The following MLLT10 variants were observed in gnomAD, a reference collection of about 807,000 sequenced individuals.
MLLT10 encodes MLLT10 histone lysine methyltransferase DOT1L cofactor, also known as protein AF-10.
A neutral mutation model predicts 129.1 loss-of-function variants in MLLT10; 30 were observed. The ratio of observed to expected loss-of-function variants is 0.23; its 90% CI spans 0.17 to 0.32. The LOEUF (loss-of-function observed/expected upper bound fraction) is 0.32, where lower values mean the gene tolerates loss of function less well. Ranked by LOEUF, MLLT10 falls within the 10% of genes least tolerant of loss-of-function variation. MLLT10 has a pLI of 1.00. For missense variants in MLLT10, 1,119 were observed against 1,268.3 expected, an observed-to-expected ratio of 0.88 and a Z score of 1.79; for synonymous variants, 490 against 446.4, an observed-to-expected ratio of 1.10 and a Z score of -1.23.
At chr10:21,664,944 CTTT>C (rs146373535) in intron 9 of MLLT10, among the ~76,000 whole-genome samples, 7 of 119,382 alleles carry the variant, frequency 5.9e-5, no homozygotes, top group South Asian at 2.7e-4. Context: ...TTTTTCTTTT[CTTT>C]TTTTTTTTTT....
intron 3 of MLLT10, among the ~76,000 whole-genome samples, chr10:21,548,009 T>C (rs973712667): frequency 6.6e-6 from 1 of 152,190 alleles, no homozygotes; most frequent in African/African-American, 2.4e-5. Context: ...GGCTAGTAAG[T>C]AATAAGTAAG....
At chr10:21,720,702 T>C (rs1403400118) in intron 14 of MLLT10, among the ~76,000 whole-genome samples, 6 of 152,204 alleles carry the variant, frequency 3.9e-5, no homozygotes, top group Non-Finnish European at 8.8e-5. Context: ...GGGAAATAGG[T>C]TTTAATCTTT....
At position 21,610,036 on chromosome 10, in the gene MLLT10, C is replaced by G. The variant is rs975542831; in HGVS notation, c.406-2312C>G. Reference sequence around the variant, plus strand: ...TCTTACAGTCCCCTTAAGTGTACACCCTCTGCCCTACTGCTCTGGAACTGG... The same window carrying G: ...TCTTACAGTCCCCTTAAGTGTACACGCTCTGCCCTACTGCTCTGGAACTGG... On this transcript the variant is annotated intron_variant, in intron 5 of 22. Coordinates refer to ENST00000307729, the MANE Select transcript of MLLT10 (RefSeq NM_001195626.3). 3.3e-5 allele frequency among the ~76,000 whole-genome samples: 5 copies of G among 152,232 alleles called. No homozygotes were observed. In the East Asian group the frequency reaches 9.6e-4, roughly 29 times the overall value.
chr10:21,632,642 G>A (rs1589339894), intron 8 of MLLT10, among the ~76,000 whole-genome samples: 1 of 152,268 alleles, frequency 6.6e-6, no homozygotes, highest in South Asian at 2.1e-4. Flanking sequence ...TTTGTTTAAA[G>A]TTTTGTATTT....
intron 3 of MLLT10, among the ~76,000 whole-genome samples, chr10:21,540,003 C>T (rs1176501009): frequency 5.9e-5 from 9 of 151,716 alleles, no homozygotes; most frequent in Admixed American, 3.3e-4. Flanking sequence ...ACCTGTAATC[C>T]CACCACTTTG....
chr10:21,647,902 G>T (rs1344341175), intron 8 of MLLT10, among the ~76,000 whole-genome samples: 1 of 151,442 alleles, frequency 6.6e-6, no homozygotes, highest in African/African-American at 2.4e-5. Context: ...TGGGGGGGAG[G>T]TTAGAAAAGT....
chr10:21,601,902 G>A (rs1430433696), intron 5 of MLLT10, among the ~76,000 whole-genome samples: 5 of 152,090 alleles, frequency 3.3e-5, no homozygotes, highest in Non-Finnish European at 1.5e-5. Context: ...TACTCTAGAT[G>A]ATAGGTATTT....
chr10:21,661,708 C>G (rs1279787179), intron 9 of MLLT10: 1 of 152,130 alleles, frequency 6.6e-6, no homozygotes, highest in East Asian at 1.9e-4. Context: ...CTGTATCATT[C>G]TAATTTTTGT....
At chr10:21,578,770 C>G (rs2041058624) in intron 3 of MLLT10, among the ~76,000 whole-genome samples, 1 of 152,140 alleles carries the variant, frequency 6.6e-6, no homozygotes, top group Admixed American at 6.5e-5. Context: ...GTAAAGTATA[C>G]AAAGCTTGTA....
At chr10:21,708,684 A>T in intron 13 of MLLT10, 2 of 985,292 alleles carry the variant, frequency 2.0e-6, no homozygotes. Flanking sequence ...GTAATATAAA[A>T]ACAATTTAAG....
chr10:21,648,043 A>G (rs954667078), intron 8 of MLLT10, among the ~76,000 whole-genome samples: 3 of 152,168 alleles, frequency 2.0e-5, no homozygotes, highest in Admixed American at 6.5e-5. Context: ...CCCCTAAATT[A>G]TTAACCAGTT....
Position 21,673,367 on chromosome 10 carries a change from C to T in MLLT10, c.1069C>T (p.Pro357Ser). 8.3e-7 allele frequency: 1 copy of T among 1,204,686 alleles called. No individual in the cohort carries two copies. Among genetic ancestry groups the T allele is most frequent in the East Asian group, 5.6e-5 (1 of 17,760 alleles). 74.6% of individuals were successfully genotyped at this position (1,204,686 alleles called of 1,614,324 possible). ...PFPQGSFSGT[P>S]GSVKSSSGSS... ...AACTACAGGCAGTTTTTCAGGAACT[C>T]CAGGCAGTGTAAAGTCATCTTCTGG... Residue 357 changes from proline to serine, a missense_variant, in exon 11 of 23, where the codon CCA (proline) becomes TCA (serine). By Grantham distance (74) the Pro-to-Ser change is moderately conservative. Transcript: ENST00000307729.
Position 21,708,505 on chromosome 10 carries a change from T to C in MLLT10, c.1700-5267T>C, listed in dbSNP as rs993195658. ...CATTATTTTCATTTTCAAAGAAAGA[T>C]TTAGAATTTTAAGCTTTCCTGCCTT... On this transcript the variant is annotated intron_variant, in intron 13 of 22. Transcript: ENST00000307729. The C allele has an allele frequency of 1.7e-5, 15 of 904,420 alleles. No individual in the cohort carries two copies. The African/African-American group carries it at 2.5e-4, about 15-fold the overall frequency. The allele number at this position is 904,420 out of a possible 1,614,324, so 56.0% of individuals were successfully genotyped here.
At chr10:21,609,176 C>T (rs570358274) in intron 5 of MLLT10, among the ~76,000 whole-genome samples, 1 of 152,306 alleles carries the variant, frequency 6.6e-6, no homozygotes, top group East Asian at 1.9e-4. Flanking sequence ...ATTGCCACAC[C>T]TTGGGGCCAC....
intron 3 of MLLT10, among the ~76,000 whole-genome samples, chr10:21,545,229 A>G (rs2035884924): frequency 1.3e-5 from 2 of 151,642 alleles, no homozygotes; most frequent in African/African-American, 4.8e-5. Context: ...GAGGGAAAAC[A>G]GGGAACCACA....
At chr10:21,706,959 C>A (rs888861557) in intron 13 of MLLT10, among the ~76,000 whole-genome samples, 5 of 152,028 alleles carry the variant, frequency 3.3e-5, no homozygotes, top group Non-Finnish European at 5.9e-5. Context: ...TGGTTTTCTT[C>A]TTATCTTACT....
chr10:21,534,151 GGCAGCCAACAGGCCGCGGCAGCGC>G (rs2033323242), upstream of MLLT10: 1 of 369,728 alleles, frequency 2.7e-6, no homozygotes, highest in Non-Finnish European at 4.8e-6. Context: ...GTAGGCCGGG[GGCAGCCAACAGGCCGCGGCAGCGC>G]GCACGCAGGG....
Position 21,561,242 on chromosome 10 carries a change from T to C in MLLT10, c.240+22330T>C, listed in dbSNP as rs9804397. Among the ~76,000 whole-genome samples, 356 of 152,300 alleles carry C rather than the reference T, an allele frequency of 2.3e-3. 1 individual carries two copies. Among genetic ancestry groups the C allele is most frequent in the African/African-American group, 8.3e-3 (346 of 41,566 alleles). On this transcript the variant is annotated intron_variant, in intron 3 of 22. Coordinates refer to ENST00000307729, the MANE Select transcript of MLLT10 (RefSeq NM_001195626.3). ...TGTTTCTATAGTTGTTGCTCTTTTA[T>C]TTATTTATATATTTATTTATTTGAG...
intron 16 of MLLT10, 23 bp from the exon 17 acceptor site, chr10:21,730,877 A>C (rs1374607821): frequency 6.2e-7 from 1 of 1,613,886 alleles, no homozygotes; most frequent in East Asian, 2.2e-5. Flanking sequence ...CCTTCTTTTT[A>C]ACTTGAGAAT....
Sources: allele counts gnomAD v4.1 joint callset (sites outside exome capture counted in the v4.1 genomes callset), GRCh38; gene constraint gnomAD v4.1.1; transcripts MANE v1.5; gene names NCBI Gene and HGNC (gene_info 2026-07-23, HGNC 2026-07-21).